Variants in C17orf113 observed in about 807,000 individuals in gnomAD.
The protein encoded by C17orf113 is uncharacterized protein C17orf113.
A neutral mutation model predicts 11.6 loss-of-function variants in C17orf113; 5 were observed. The observed-to-expected ratio is 0.43, with a 90% CI of 0.23 to 0.91. The LOEUF is 0.91. C17orf113 is among the 40% of genes least tolerant of loss of function. The pLI is 0.26. For missense variants in C17orf113, 714 were observed against 841.3 expected, an observed-to-expected ratio of 0.85 and a Z score of 1.87; for synonymous variants, 327 against 390.6, an observed-to-expected ratio of 0.84 and a Z score of 1.92.
In C17orf113 at chr17:42,043,128, T is replaced by C. The variant is rs2053065909; in HGVS notation, c.249A>G (p.Gly83=). 2 of 1,232,022 alleles carry C rather than the reference T, an allele frequency of 1.6e-6. No homozygotes were observed. Among genetic ancestry groups the C allele is most frequent in the Admixed American group, 4.2e-5 (1 of 23,686 alleles). 76.3% of individuals were successfully genotyped at this position (1,232,022 alleles called of 1,614,324 possible). A position where few individuals can be genotyped will look rare whatever the true frequency, so the allele number is the denominator to read the frequency against. ...TGACAGCCAGAGCCTGGCGGTGGGC[T>C]CCTGAGGTCACGTGGCGCAGCAGGG... ...RHALLRHVTS[G]AHRQALAVNQ... is the part of the protein sequence containing the mutation. The change falls in exon 2 of 3, where the codon GGA becomes GGG. Residue 83 remains glycine (G), a synonymous_variant. Coordinates refer to ENST00000587304, the MANE Select transcript of C17orf113 (RefSeq NM_001358661.2).
intron 2 of C17orf113, among the ~76,000 whole-genome samples, chr17:42,041,800 C>T (rs2053029086): frequency 1.3e-5 from 2 of 152,138 alleles, no homozygotes; most frequent in Non-Finnish European, 2.9e-5. Context: ...ATAGGACTTA[C>T]ACAGTTAGTA....
At position 42,043,217 on chromosome 17, in the gene C17orf113, G is replaced by T. The variant is rs782010333; in HGVS notation, c.160C>A (p.Arg54=). The T allele has an allele frequency of 1.6e-6, 2 of 1,232,250 alleles. No individual in the cohort carries two copies. The highest frequency in any genetic ancestry group is 3.2e-5 in the East Asian group (1 of 31,710). 76.3% of individuals were successfully genotyped at this position (1,232,250 alleles called of 1,614,324 possible). ...TTTTCGGCTTTGCCATGCTTGTTCC[G>T]TACCAGGGCCTGGCGGCACTCGAGG... ...FCLECRQALV[R]NKHGKAENAF... is the part of the protein sequence containing the mutation. The change falls in exon 2 of 3, where the codon CGG becomes AGG. Residue 54 remains arginine, a synonymous_variant. Transcript: ENST00000587304.
chr17:42,041,530 CAACTTTTGTTGTGGTAAAAGCACTTTATG>C (rs2053021499), intron 2 of C17orf113, among the ~76,000 whole-genome samples: 1 of 152,188 alleles, frequency 6.6e-6, no homozygotes, highest in Non-Finnish European at 1.5e-5. Context: ...TTATAAACAT[CAACTTTTGTTGTGGTAAAAGCACTTTATG>C]AATCATAAAG....
rs1424909233 is a variant in C17orf113 at position 42,043,330 on chromosome 17, T to C, written c.47A>G (p.Asn16Ser). 1.6e-6 allele frequency: 2 copies of C among 1,232,134 alleles called. No homozygotes were observed. The highest frequency in any genetic ancestry group is 3.1e-5 in the African/African-American group (2 of 64,428). 76.3% of individuals were successfully genotyped at this position (1,232,134 alleles called of 1,614,324 possible). The stretch of plus-strand genomic sequence containing the variant: ...GTTGAAGTAACGCTTACACTTCTTG[T>C]TGGAGTTGGAGGCCTCTCCCGCTGG... ...KKPAGEASNS[N>S]KKCKRYFNEH... The change falls in exon 2 of 3, where the codon AAC becomes AGC. Residue 16 changes from asparagine (N) to serine (S), a missense_variant. By Grantham distance (46) the Asn-to-Ser change is conservative. This residue lies in a region of C17orf113 where 516 missense variants were observed against 626.6 expected (regional missense o/e 0.82). Transcript: ENST00000587304.
chr17:42,046,305 T>C (rs970306221), intron 1 of C17orf113, among the ~76,000 whole-genome samples: 72 of 151,998 alleles, frequency 4.7e-4, no homozygotes, highest in African/African-American at 1.7e-3. Flanking sequence ...TTTAAAAGAA[T>C]GAAAGGGCCA....
In C17orf113 at chr17:42,040,882, T is replaced by C; in HGVS notation, c.851A>G (p.Gln284Arg). Residue 284 changes from glutamine (Q) to arginine (R), a missense_variant, in exon 3 of 3, where the codon CAG (glutamine) becomes CGG (arginine). This residue lies in a region of C17orf113 where 516 missense variants were observed against 626.6 expected (regional missense o/e 0.82). Coordinates refer to ENST00000587304, the MANE Select transcript of C17orf113 (RefSeq NM_001358661.2). ...PSERLGSVGP[Q>R]LRATCPLLAE... Reference sequence around the variant, plus strand: ...CAGCAGTGGGCAAGTGGCCCGGAGCTGTGGGCCCACACTCCCCAGGCGCTC... The same window carrying C: ...CAGCAGTGGGCAAGTGGCCCGGAGCCGTGGGCCCACACTCCCCAGGCGCTC... The C allele has an allele frequency of 8.1e-7, 1 of 1,232,262 alleles. No individual in the cohort carries two copies. The highest frequency in any genetic ancestry group is 1.0e-6 in the Non-Finnish European group (1 of 988,042). The allele number at this position is 1,232,262 out of a possible 1,614,324, so 76.3% of individuals were successfully genotyped here.
intron 1 of C17orf113, among the ~76,000 whole-genome samples, chr17:42,045,206 C>T (rs577526225): frequency 2.4e-4 from 37 of 152,222 alleles, no homozygotes; most frequent in Non-Finnish European, 4.4e-4. Flanking sequence ...CGTGAGCCAC[C>T]GCGCCCAGCC....
chr17:42,044,739 T>C (rs2053113981), intron 1 of C17orf113, among the ~76,000 whole-genome samples: 1 of 152,126 alleles, frequency 6.6e-6, no homozygotes, highest in Non-Finnish European at 1.5e-5. Context: ...CTCACACTCA[T>C]ACCCATTGGT....
chr17:42,048,145 C>G (rs1477086539), intron 1 of C17orf113, among the ~76,000 whole-genome samples: 2 of 152,090 alleles, frequency 1.3e-5, no homozygotes, highest in African/African-American at 4.8e-5. Context: ...CTCTGCAGAC[C>G]ACTGGGAAAT....
chr17:42,038,347 G>A lies in C17orf113; in HGVS notation c.*1358C>T, dbSNP rs1227960166. The A allele has an allele frequency of 2.5e-6, 1 of 392,238 alleles. No individual in the cohort carries two copies. The highest frequency in any genetic ancestry group is 5.1e-5 in the East Asian group (1 of 19,562). 24.3% of individuals were successfully genotyped at this position (392,238 alleles called of 1,614,324 possible). A position where few individuals can be genotyped will look rare whatever the true frequency, so the allele number is the denominator to read the frequency against. On this transcript the variant is annotated 3_prime_UTR_variant, in exon 3 of 3. Coordinates refer to ENST00000587304, the MANE Select transcript of C17orf113 (RefSeq NM_001358661.2). ...TATCCTCCCTCCCTCCAGATCCCCAGGATTTCATGGCCAGGGCTGACAGGA... is the reference window on the plus strand; with the variant it reads ...TATCCTCCCTCCCTCCAGATCCCCAAGATTTCATGGCCAGGGCTGACAGGA...
Position 42,041,103 on chromosome 17 carries a change from T to A in C17orf113, c.630A>T (p.Arg210Ser). Residue 210 changes from arginine to serine, a missense_variant, in exon 3 of 3, where the codon AGA (arginine) becomes AGT (serine). This residue lies in a region of C17orf113 where 516 missense variants were observed against 626.6 expected (regional missense o/e 0.82). Coordinates refer to ENST00000587304, the MANE Select transcript of C17orf113 (RefSeq NM_001358661.2). ...PYVGLVLDET[R>S]DWPESHSLAL... ...CCAGGCTGTGTGACTCCGGCCAGTC[T>A]CTGGTCTCGTCCAACACCAGCCCCA... 8.1e-7 allele frequency: 1 copy of A among 1,232,312 alleles called. No homozygotes were observed. 76.3% of individuals were successfully genotyped at this position (1,232,312 alleles called of 1,614,324 possible). A position where few individuals can be genotyped will look rare whatever the true frequency, so the allele number is the denominator to read the frequency against.
Position 42,041,028 on chromosome 17 carries a change from G to A in C17orf113, c.705C>T (p.Thr235=). The change falls in exon 3 of 3, where the codon ACC becomes ACT. Residue 235 remains threonine, a synonymous_variant. Coordinates refer to ENST00000587304, the MANE Select transcript of C17orf113 (RefSeq NM_001358661.2). ...VSPCDGQPAT[T]FLGSVELQEG... The stretch of plus-strand genomic sequence containing the variant: ...CCTGTAGCTCCACACTGCCCAGGAA[G>A]GTGGTGGCGGGCTGGCCATCACAGG... 1.6e-6 allele frequency: 2 copies of A among 1,232,346 alleles called. No individual in the cohort carries two copies. The highest frequency in any genetic ancestry group is 6.3e-5 in the East Asian group (2 of 31,712). The allele number at this position is 1,232,346 out of a possible 1,614,324, so 76.3% of individuals were successfully genotyped here.
chr17:42,039,601 G>T lies in C17orf113; in HGVS notation c.*104C>A. On this transcript the variant is annotated 3_prime_UTR_variant, in exon 3 of 3. Coordinates refer to ENST00000587304, the MANE Select transcript of C17orf113 (RefSeq NM_001358661.2). ...GTGGATGGCCTCAGGCCCCTGGGAGGCTGCAGTCAGCAGATCATCTTGGGT... is the reference window on the plus strand; with the variant it reads ...GTGGATGGCCTCAGGCCCCTGGGAGTCTGCAGTCAGCAGATCATCTTGGGT... 2 of 1,076,646 alleles carry T rather than the reference G, an allele frequency of 1.9e-6. No individual in the cohort carries two copies. Among genetic ancestry groups the T allele is most frequent in the Non-Finnish European group, 2.4e-6 (2 of 846,900 alleles). The allele number at this position is 1,076,646 out of a possible 1,614,324, so 66.7% of individuals were successfully genotyped here. A position where few individuals can be genotyped will look rare whatever the true frequency, so the allele number is the denominator to read the frequency against.
In C17orf113 at chr17:42,040,085, GAGCAAAGCCGCGCAGC is replaced by G; in HGVS notation, c.1632_1647del (p.Arg546ProfsTer17). ...AGCGCCCGCTGGCGCACCACGGCAG[GAGCAAAGCCGCGCAGC>G]AGCACCCGCAGCGCCCCCTCGCCAT... On this transcript the variant is annotated frameshift_variant, in exon 3 of 3. Coordinates refer to ENST00000587304, the MANE Select transcript of C17orf113 (RefSeq NM_001358661.2). LOFTEE classifies it low-confidence loss of function (END_TRUNC). 1.6e-6 allele frequency: 2 copies of G among 1,231,274 alleles called. No individual in the cohort carries two copies. The highest frequency in any genetic ancestry group is 2.0e-6 in the Non-Finnish European group (2 of 987,624). The allele number at this position is 1,231,274 out of a possible 1,614,324, so 76.3% of individuals were successfully genotyped here. A position where few individuals can be genotyped will look rare whatever the true frequency, so the allele number is the denominator to read the frequency against.
rs181795212 is a variant in C17orf113, at chr17:42,044,221, T to C, written c.-187-658A>G. Among the ~76,000 whole-genome samples the C allele has an allele frequency of 2.6e-4, 37 of 141,604 alleles. No homozygotes were observed. In the East Asian group the frequency reaches 6.7e-3, roughly 26 times the overall value. 92.9% of individuals were successfully genotyped at this position (141,604 alleles called of 152,430 possible). On this transcript the variant is annotated intron_variant, in intron 1 of 2. Coordinates refer to ENST00000587304, the MANE Select transcript of C17orf113 (RefSeq NM_001358661.2). ...AGCTACTGGGGAGGTTGAGGCAGGA[T>C]TGCTTGAGCCTGGGAGGCAAAGGTT...
In C17orf113 at chr17:42,043,072, GCCTGGC is replaced by G. The variant is rs2053064006; in HGVS notation, c.299_304del (p.Gly100_Gln101del). 1.6e-6 allele frequency: 2 copies of G among 1,232,120 alleles called. No homozygotes were observed. The highest frequency in any genetic ancestry group is 8.2e-5 in the South Asian group (2 of 24,334). 76.3% of individuals were successfully genotyped at this position (1,232,120 alleles called of 1,614,324 possible). The stretch of plus-strand genomic sequence containing the variant: ...GCCTGGGCAGGCCCCTCCACCTTCA[GCCTGGC>G]CCTCAAAAGGGGGCTGGCCCTGGTT... On this transcript the variant is annotated inframe_deletion, in exon 2 of 3. Coordinates refer to ENST00000587304, the MANE Select transcript of C17orf113 (RefSeq NM_001358661.2).
At chr17:42,047,727 C>G (rs1345459448) in intron 1 of C17orf113, among the ~76,000 whole-genome samples, 1 of 147,852 alleles carries the variant, frequency 6.8e-6, no homozygotes, top group South Asian at 2.2e-4. Context: ...GATCTCGGCT[C>G]ACTGCAACCT....
At chr17:42,049,906 T>C (rs1351648087) in intron 1 of C17orf113, among the ~76,000 whole-genome samples, 2 of 152,254 alleles carry the variant, frequency 1.3e-5, no homozygotes, top group Admixed American at 6.5e-5. Flanking sequence ...AAGTGCTTAG[T>C]AGCCAATGTG....
chr17:42,039,707 A>T lies in C17orf113; in HGVS notation c.2026T>A (p.Ter676ArgextTer17). 2 of 1,232,498 alleles carry T rather than the reference A, an allele frequency of 1.6e-6. No individual in the cohort carries two copies. Among genetic ancestry groups the T allele is most frequent in the Non-Finnish European group, 2.0e-6 (2 of 988,252 alleles). 76.3% of individuals were successfully genotyped at this position (1,232,498 alleles called of 1,614,324 possible). ...GEGFLGSQLT[*>R] ...GGGCCGAGGGAAGGAGGCCACCCTC[A>T]GGTGAGCTGCGACCCCAGGAAGCCC... The change falls in exon 3 of 3, where the codon TGA becomes AGA. Residue 676 changes from the stop codon to arginine (R), a stop_lost. Transcript: ENST00000587304.
Sources: allele counts gnomAD v4.1 joint callset (sites outside exome capture counted in the v4.1 genomes callset), GRCh38; gene constraint gnomAD v4.1.1; regional missense constraint gnomAD v4.1.1; transcripts MANE v1.5; gene names NCBI Gene and HGNC (gene_info 2026-07-23, HGNC 2026-07-21).